Variants in CDK19 observed in about 807,000 individuals in gnomAD.
CDK19 encodes cyclin dependent kinase 19, also known as cyclin-dependent kinase 19.
In CDK19, 20 loss-of-function variants were observed where a neutral mutation model predicts 68.3. The observed-to-expected ratio is 0.29, with a 90% confidence interval of 0.21 to 0.43. The LOEUF is 0.43. CDK19 is among the 20% of genes least tolerant of loss of function. The pLI is 1.00. For missense variants in CDK19, 339 were observed against 623.5 expected, an observed-to-expected ratio of 0.54 and a Z score of 4.86; for synonymous variants, 221 against 222.8, an observed-to-expected ratio of 0.99 and a Z score of 0.07.
intron 2 of CDK19, among the ~76,000 whole-genome samples, chr6:110,684,503 T>A (rs966479903): frequency 2.0e-5 from 3 of 152,098 alleles, no homozygotes. Flanking sequence ...TTATTTAGAT[T>A]CTGGCTTAAA....
At chr6:110,698,749 A>G (rs375659720) in intron 2 of CDK19, among the ~76,000 whole-genome samples, 25 of 152,270 alleles carry the variant, frequency 1.6e-4, no homozygotes, top group African/African-American at 4.8e-4. Context: ...TATGGAACCA[A>G]CCTAAGTGCT....
At chr6:110,761,312 T>G (rs964596898) in intron 1 of CDK19, among the ~76,000 whole-genome samples, 1 of 152,094 alleles carries the variant, frequency 6.6e-6, no homozygotes, top group East Asian at 1.9e-4. Context: ...TAAGAGGCCT[T>G]TGCAAATAAT....
chr6:110,731,623 G>A (rs9398244), intron 2 of CDK19, among the ~76,000 whole-genome samples: 38,192 of 152,040 alleles, frequency 0.25, 4,920 homozygotes, highest in South Asian at 0.4. Context: ...TTTTTAGAAA[G>A]GAAAAATATA....
At chr6:110,683,292 A>G (rs779136546) in intron 2 of CDK19, among the ~76,000 whole-genome samples, 19 of 152,170 alleles carry the variant, frequency 1.2e-4, no homozygotes, top group Non-Finnish European at 2.5e-4. Context: ...AATGTTATGA[A>G]GAGTAAATCG....
At chr6:110,723,085 A>T (rs1177921457) in intron 2 of CDK19, among the ~76,000 whole-genome samples, 1 of 150,664 alleles carries the variant, frequency 6.6e-6, no homozygotes, top group African/African-American at 2.5e-5. Flanking sequence ...GTGCACTTGT[A>T]ACCAATAGAA....
chr6:110,669,895 C>T lies in CDK19; in HGVS notation c.315+536G>A, dbSNP rs563171015. ...GTCTCCCGCCAGGCATGGTGGCTCA[C>T]GCCTGTAATTCCAGCACTTTGGGAG... On this transcript the variant is annotated intron_variant, in intron 3 of 12. Transcript: ENST00000368911. Among the ~76,000 whole-genome samples, 19 of 151,978 alleles carry T rather than the reference C, an allele frequency of 1.3e-4. No individual in the cohort carries two copies. The South Asian group carries it at 3.3e-3, about 27-fold the overall frequency.
intron 4 of CDK19, among the ~76,000 whole-genome samples, chr6:110,651,044 G>T (rs930322899): frequency 6.6e-6 from 1 of 152,144 alleles, no homozygotes; most frequent in East Asian, 1.9e-4. Context: ...CAGCAAAGAG[G>T]TCAATGTAAG....
chr6:110,777,187 AATG>A lies in CDK19; in HGVS notation c.129-30989_129-30987del, dbSNP rs542098881. 1.0e-3 allele frequency among the ~76,000 whole-genome samples: 152 copies of A among 152,340 alleles called. 3 individuals carry two copies. Among genetic ancestry groups the A allele is most frequent in the African/African-American group, 1.1e-3 (46 of 41,580 alleles). ...CATTTTCTCAGAAAATTCCAATTAA[AATG>A]ATGTTGTATAAAATATGTAACAAAA... On this transcript the variant is annotated intron_variant, in intron 1 of 12. Transcript: ENST00000368911.
At chr6:110,709,506 TAA>T (rs35088713) in intron 2 of CDK19, among the ~76,000 whole-genome samples, 198 of 141,900 alleles carry the variant, frequency 1.4e-3, no homozygotes, top group Middle Eastern at 3.6e-3. Context: ...AAAGTATAAT[TAA>T]AAAAAAAAAA....
At chr6:110,638,760 C>G in intron 4 of CDK19, 54 bp from the exon 5 acceptor site, 1 of 948,326 alleles carries the variant, frequency 1.1e-6, no homozygotes, top group South Asian at 1.4e-5. Flanking sequence ...TTGACATGCT[C>G]TAAAATGGAG....
At chr6:110,664,023 A>G (rs1359917413) in intron 4 of CDK19, among the ~76,000 whole-genome samples, 1 of 152,134 alleles carries the variant, frequency 6.6e-6, no homozygotes, top group African/African-American at 2.4e-5. Flanking sequence ...GGAAAAAATC[A>G]TTCTGTTGCT....
At chr6:110,620,979 A>G in intron 12 of CDK19, 125 bp downstream of exon 12, 1 of 821,598 alleles carries the variant, frequency 1.2e-6, no homozygotes, top group Non-Finnish European at 1.9e-6. Flanking sequence ...TCTTCATAGA[A>G]TGCCCTAGAA....
chr6:110,719,993 C>A (rs1196695222), intron 2 of CDK19, among the ~76,000 whole-genome samples: 2 of 126,106 alleles, frequency 1.6e-5, no homozygotes, highest in Non-Finnish European at 3.4e-5. Context: ...CCCACCCCCC[C>A]CCTGCTTCGG....
At chr6:110,646,985 A>C (rs1582769108) in intron 4 of CDK19, among the ~76,000 whole-genome samples, 1 of 151,868 alleles carries the variant, frequency 6.6e-6, no homozygotes, top group South Asian at 2.1e-4. Context: ...AGGACTCCCC[A>C]CAGAGACAGA....
chr6:110,791,308 TTGGGAGGAAAGAAGG>T (rs1405121128), intron 1 of CDK19, among the ~76,000 whole-genome samples: 3 of 151,910 alleles, frequency 2.0e-5, no homozygotes, highest in African/African-American at 7.3e-5. Flanking sequence ...AACAGTGATT[TTGGGAGGAAAGAAGG>T]TCAGAAAGCA....
chr6:110,765,679 CAA>C (rs1162979705), intron 1 of CDK19, among the ~76,000 whole-genome samples: 6 of 64,124 alleles, frequency 9.4e-5, no homozygotes, highest in Non-Finnish European at 1.2e-4. Context: ...GACTCCATCT[CAA>C]AAAAAAAAAA....
intron 1 of CDK19, among the ~76,000 whole-genome samples, chr6:110,801,509 T>C (rs564874493): frequency 2.6e-5 from 4 of 151,144 alleles, no homozygotes; most frequent in African/African-American, 9.9e-5. Flanking sequence ...AATTACAGGT[T>C]TTTTTGTGTG....
intron 1 of CDK19, among the ~76,000 whole-genome samples, chr6:110,785,384 CT>C (rs2115047808): frequency 6.6e-6 from 1 of 152,266 alleles, no homozygotes; most frequent in South Asian, 2.1e-4. Context: ...GACTGGAAAC[CT>C]CACTGATAAC....
At chr6:110,661,906 C>T (rs1170158474) in intron 4 of CDK19, among the ~76,000 whole-genome samples, 2 of 152,178 alleles carry the variant, frequency 1.3e-5, no homozygotes, top group Non-Finnish European at 2.9e-5. Context: ...ACTGCAAATT[C>T]ACCCACTAAT....
Sources: gnomAD v4.1 joint callset for allele counts (sites outside exome capture counted in the v4.1 genomes callset) on GRCh38, gnomAD v4.1.1 for gene constraint, MANE v1.5 for transcripts, NCBI Gene and HGNC (gene_info 2026-07-23, HGNC 2026-07-21) for gene names.